Variants in UCHL3 observed in about 807,000 individuals in gnomAD.
UCHL3 encodes ubiquitin carboxyl-terminal hydrolase isozyme L3.
UCHL3 carries 22 observed loss-of-function variants against 35.8 expected under a neutral mutation model. That is an observed-to-expected ratio of 0.61 (90% CI 0.44 to 0.88). The LOEUF is 0.88. Among genes scored for constraint, UCHL3 ranks in the 40% least tolerant of loss-of-function variants. UCHL3 has a pLI of 0.00. For missense variants in UCHL3, 229 were observed against 276.9 expected, an observed-to-expected ratio of 0.83 and a Z score of 1.23; for synonymous variants, 90 against 92.8, an observed-to-expected ratio of 0.97 and a Z score of 0.17.
Position 75,549,911 on chromosome 13 carries a change from G to A in UCHL3, c.42+49G>A, listed in dbSNP as rs1277600020. 4 of 1,614,114 alleles carry A rather than the reference G, an allele frequency of 2.5e-6. No individual in the cohort carries two copies. In the East Asian group the frequency reaches 6.7e-5, roughly 27 times the overall value. ...TGGGCCGTGGGCAGGTGCAGAGGGA[G>A]CCGGCTTGCTGCCGCGAGTCCACGG... On this transcript the variant is annotated intron_variant, in intron 1 of 8. Transcript: ENST00000377595.
At chr13:75,605,667 T>C in intron 8 of UCHL3, 62 bp from the exon 9 acceptor site, 1 of 1,484,344 alleles carries the variant, frequency 6.7e-7, no homozygotes, top group South Asian at 1.2e-5. Context: ...TATGAAATGT[T>C]TATCATTTGT....
At chr13:75,559,004 C>G (rs2031387805) in intron 2 of UCHL3, among the ~76,000 whole-genome samples, 2 of 149,694 alleles carry the variant, frequency 1.3e-5, no homozygotes, top group African/African-American at 2.5e-5. Flanking sequence ...TGTAGAGGAG[C>G]CCATTGATCT....
At chr13:75,552,374 T>C (rs1407917916) in intron 2 of UCHL3, among the ~76,000 whole-genome samples, 2 of 152,182 alleles carry the variant, frequency 1.3e-5, no homozygotes, top group African/African-American at 4.8e-5. Flanking sequence ...AATGGAATGG[T>C]AGGATCTTGA....
chr13:75,592,430 A>G (rs8001729), intron 6 of UCHL3, among the ~76,000 whole-genome samples: 2,448 of 50,256 alleles, frequency 0.049, 63 homozygotes, highest in African/African-American at 0.06. Context: ...ATATATATAT[A>G]TATATATATA....
chr13:75,599,993 G>A (rs978943170), intron 7 of UCHL3, among the ~76,000 whole-genome samples: 7 of 152,348 alleles, frequency 4.6e-5, no homozygotes, highest in Non-Finnish European at 5.9e-5. Context: ...CATGAATGAC[G>A]AGAAAGCAAA....
chr13:75,576,644 G>A (rs118108474), intron 6 of UCHL3, among the ~76,000 whole-genome samples: 3,796 of 152,256 alleles, frequency 0.025, 64 homozygotes, highest in Middle Eastern at 0.037. Context: ...ATGAGCCACC[G>A]CTCCTGGCCC....
intron 6 of UCHL3, among the ~76,000 whole-genome samples, chr13:75,572,348 T>C (rs750745796): frequency 9.9e-5 from 15 of 152,216 alleles, no homozygotes; most frequent in Non-Finnish European, 2.2e-4. Flanking sequence ...TTCTCTTTCA[T>C]TTTTTAAGAT....
chr13:75,581,606 C>T (rs2138532710), intron 6 of UCHL3, among the ~76,000 whole-genome samples: 1 of 151,126 alleles, frequency 6.6e-6, no homozygotes, highest in South Asian at 2.1e-4. Flanking sequence ...GATCTTTCTG[C>T]CCTGGCCTCC....
chr13:75,604,500 G>A (rs549560205), intron 7 of UCHL3: 293 of 314,462 alleles, frequency 9.3e-4, no homozygotes, highest in African/African-American at 1.9e-3. Context: ...ATAATTTTGC[G>A]TATTATTTTC....
In UCHL3 at chr13:75,605,863, C is replaced by T. The variant is rs778053733; in HGVS notation, c.*51C>T. The T allele has an allele frequency of 2.6e-6, 4 of 1,567,392 alleles. No individual in the cohort carries two copies. The highest frequency in any genetic ancestry group is 3.5e-6 in the Non-Finnish European group (4 of 1,141,302). ...ACTGTATTATTTGCAACTAAATTTTCTCTGCCATACACTAACTCAAAAATT... is the reference window on the plus strand; with the variant it reads ...ACTGTATTATTTGCAACTAAATTTTTTCTGCCATACACTAACTCAAAAATT... On this transcript the variant is annotated 3_prime_UTR_variant, in exon 9 of 9. Coordinates refer to ENST00000377595, the MANE Select transcript of UCHL3 (RefSeq NM_006002.5).
At chr13:75,580,941 C>G (rs1258307813) in intron 6 of UCHL3, among the ~76,000 whole-genome samples, 1 of 152,174 alleles carries the variant, frequency 6.6e-6, no homozygotes. Context: ...CTATTCACAG[C>G]TAGTAATTTA....
chr13:75,570,903 C>T (rs188427737), intron 6 of UCHL3, among the ~76,000 whole-genome samples: 447 of 152,148 alleles, frequency 2.9e-3, no homozygotes, highest in Non-Finnish European at 4.9e-3. Context: ...CAGAGCAGGA[C>T]CCTGTCTCTA....
chr13:75,597,970 G>A (rs1313238934), intron 7 of UCHL3, among the ~76,000 whole-genome samples: 1 of 152,082 alleles, frequency 6.6e-6, no homozygotes, highest in Non-Finnish European at 1.5e-5. Flanking sequence ...TATGTAAAGG[G>A]GAAGAAGTAC....
At chr13:75,573,402 G>C (rs965777249) in intron 6 of UCHL3, among the ~76,000 whole-genome samples, 1 of 152,102 alleles carries the variant, frequency 6.6e-6, no homozygotes, top group African/African-American at 2.4e-5. Flanking sequence ...GGTCTTTGCT[G>C]TCTGTATTAG....
intron 7 of UCHL3, among the ~76,000 whole-genome samples, chr13:75,600,760 A>G (rs993008323): frequency 3.3e-5 from 5 of 152,236 alleles, no homozygotes; most frequent in Non-Finnish European, 7.3e-5. Context: ...CAGCCCATGG[A>G]TCAAGGAATC....
intron 7 of UCHL3, among the ~76,000 whole-genome samples, chr13:75,601,912 A>G (rs570923908): frequency 1.3e-5 from 2 of 152,250 alleles, no homozygotes; most frequent in Non-Finnish European, 2.9e-5. Context: ...GATCGAGACC[A>G]TCCTGGCTAA....
intron 6 of UCHL3, among the ~76,000 whole-genome samples, chr13:75,594,176 C>G (rs2032583035): frequency 6.6e-6 from 1 of 152,172 alleles, no homozygotes; most frequent in Non-Finnish European, 1.5e-5. Context: ...GTAGATATTG[C>G]TCATGCAAAT....
intron 2 of UCHL3, among the ~76,000 whole-genome samples, chr13:75,550,889 A>G (rs551688122): frequency 3.9e-5 from 6 of 152,310 alleles, no homozygotes; most frequent in Non-Finnish European, 5.9e-5. Flanking sequence ...AATTCCCTGG[A>G]CAAAGAGACA....
rs375314560 is a variant in UCHL3 at position 75,594,918 on chromosome 13, C to T, written c.478C>T (p.Pro160Ser). 5.6e-6 allele frequency: 9 copies of T among 1,606,062 alleles called. No individual in the cohort carries two copies. The African/African-American group carries it at 1.2e-4, about 22-fold the overall frequency. Residue 160 changes from proline to serine, a missense_variant, in exon 7 of 9, where the codon CCA becomes TCA. Coordinates refer to ENST00000377595, the MANE Select transcript of UCHL3 (RefSeq NM_006002.5). ...TSAHEGQTEA[P>S]SIDEKVDLHF... The stretch of plus-strand genomic sequence containing the variant: ...CTATTTTTCCCTCCTATTCCAGGCA[C>T]CAAGTATAGATGAGAAAGTAGATCT...
Sources: gnomAD v4.1 joint callset for allele counts (sites outside exome capture counted in the v4.1 genomes callset) on GRCh38, gnomAD v4.1.1 for gene constraint, MANE v1.5 for transcripts, NCBI Gene and HGNC (gene_info 2026-07-23, HGNC 2026-07-21) for gene names.